The following NTM variants were observed in gnomAD, a reference collection of about 807,000 sequenced individuals.
NTM encodes the protein neurotrimin, also known as IgLON family member 2.
Under a neutral mutation model 42.1 loss-of-function variants are expected in NTM, and 13 were observed. That is an observed-to-expected ratio of 0.31 (90% CI 0.20 to 0.49). NTM has a LOEUF of 0.49. NTM is among the 20% of genes least tolerant of loss of function. NTM has a pLI of 0.99. For synonymous variants in NTM, 187 were observed against 179.2 expected (o/e 1.04, Z -0.35); for missense variants, 373 against 452.8 (o/e 0.82, Z 1.60).
At chr11:131,998,925 C>T (rs1431058670) in intron 2 of NTM, among the ~76,000 whole-genome samples, 1 of 152,160 alleles carries the variant, frequency 6.6e-6, no homozygotes, top group African/African-American at 2.4e-5. Flanking sequence ...TTTTTAGGAG[C>T]TTGTGGCTCA....
At chr11:131,460,947 A>T (rs11222644) in intron 1 of NTM, among the ~76,000 whole-genome samples, 1 of 152,192 alleles carries the variant, frequency 6.6e-6, no homozygotes, top group African/African-American at 2.4e-5. Context: ...AAGTTGAACA[A>T]GGTGACCTTA....
At chr11:131,996,457 C>A (rs1291464505) in intron 2 of NTM, among the ~76,000 whole-genome samples, 1 of 152,204 alleles carries the variant, frequency 6.6e-6, no homozygotes, top group South Asian at 2.1e-4. Flanking sequence ...GCAGTTCCCT[C>A]TACCTGAAAT....
At chr11:131,541,216 A>C (rs1016235483) in intron 1 of NTM, among the ~76,000 whole-genome samples, 1 of 152,156 alleles carries the variant, frequency 6.6e-6, no homozygotes, top group Non-Finnish European at 1.5e-5. Context: ...ATAATTTAGG[A>C]CTTAAAGTGA....
intron 1 of NTM, among the ~76,000 whole-genome samples, chr11:131,404,119 CTCT>C (rs1405720890): frequency 1.3e-5 from 2 of 152,130 alleles, no homozygotes; most frequent in East Asian, 3.9e-4. Context: ...CACGTTTCTG[CTCT>C]TCTTCTCGGT....
intron 2 of NTM, among the ~76,000 whole-genome samples, chr11:132,124,014 T>C (rs114474086): frequency 0.024 from 3,648 of 152,236 alleles, 56 homozygotes; most frequent in African/African-American, 0.04. Context: ...ATTTATTAAG[T>C]TTCAGTTCCC....
intron 4 of NTM, among the ~76,000 whole-genome samples, chr11:132,235,943 C>T (rs1010194784): frequency 2.6e-5 from 4 of 151,470 alleles, no homozygotes; most frequent in African/African-American, 7.3e-5. Context: ...AAAATGCCTT[C>T]GATTTGGTTT....
chr11:131,585,173 G>A (rs2058742146), intron 1 of NTM, among the ~76,000 whole-genome samples: 1 of 152,236 alleles, frequency 6.6e-6, no homozygotes, highest in African/African-American at 2.4e-5. Context: ...ATCTGTGGCT[G>A]ATTCTTTTTT....
intron 3 of NTM, among the ~76,000 whole-genome samples, chr11:132,196,776 G>C (rs1275480329): frequency 1.3e-5 from 2 of 152,108 alleles, no homozygotes; most frequent in Non-Finnish European, 2.9e-5. Flanking sequence ...CTACTTGAGA[G>C]GGGGAGGATG....
At chr11:131,398,497 C>G (rs1388446844) in intron 1 of NTM, among the ~76,000 whole-genome samples, 2 of 151,956 alleles carry the variant, frequency 1.3e-5, no homozygotes, top group East Asian at 3.9e-4. Context: ...AAGAATAGAT[C>G]AGAAACAATT....
chr11:131,531,329 G>A (rs1424304761), intron 1 of NTM, among the ~76,000 whole-genome samples: 1 of 152,088 alleles, frequency 6.6e-6, no homozygotes, highest in Non-Finnish European at 1.5e-5. Flanking sequence ...GGAGGTGGGG[G>A]TAAAGATAGG....
chr11:131,432,839 C>CATTTTTTTTTT (rs1565494793), intron 1 of NTM, among the ~76,000 whole-genome samples: 16 of 68,690 alleles, frequency 2.3e-4, no homozygotes, highest in Non-Finnish European at 3.6e-4. Context: ...ATTTAGCATT[C>CATTTTTTTTTT]TTTTTTTTTT....
chr11:131,428,332 C>A (rs921268467), intron 1 of NTM, among the ~76,000 whole-genome samples: 7 of 152,186 alleles, frequency 4.6e-5, no homozygotes, highest in African/African-American at 1.7e-4. Flanking sequence ...GCCAAAACTG[C>A]CTTTCCAGGC....
At chr11:131,662,275 A>T (rs895978837) in intron 1 of NTM, 1 of 152,240 alleles carries the variant, frequency 6.6e-6, no homozygotes, top group Admixed American at 6.5e-5. Flanking sequence ...AAGTGTCACC[A>T]TATGTTGAAA....
chr11:131,617,229 G>A (rs1417990416), intron 1 of NTM, among the ~76,000 whole-genome samples: 1 of 152,108 alleles, frequency 6.6e-6, no homozygotes, highest in African/African-American at 2.4e-5. Context: ...TGAGAGTGGA[G>A]GGCTGCAAGA....
intron 4 of NTM, chr11:132,306,436 A>G (rs1393290010): frequency 1.3e-5 from 2 of 152,210 alleles, no homozygotes; most frequent in Non-Finnish European, 2.9e-5. Flanking sequence ...TGTGCCTCCA[A>G]CCAGATTATA....
intron 2 of NTM, among the ~76,000 whole-genome samples, chr11:131,942,783 T>C (rs1361980614): frequency 6.6e-6 from 1 of 151,804 alleles, no homozygotes; most frequent in Non-Finnish European, 1.5e-5. Context: ...CCATCTCTAC[T>C]AAAAACGCAA....
intron 1 of NTM, among the ~76,000 whole-genome samples, chr11:131,469,303 T>C (rs1952194362): frequency 6.6e-6 from 1 of 152,186 alleles, no homozygotes. Flanking sequence ...GTTTTACATA[T>C]ATTATCTCAC....
At position 132,220,140 on chromosome 11, in the gene NTM, C is replaced by A. The variant is rs181395638; in HGVS notation, c.526+7993C>A. Among the ~76,000 whole-genome samples, 275 of 152,288 alleles carry A rather than the reference C, an allele frequency of 1.8e-3. 2 individuals carry two copies. Among genetic ancestry groups the A allele is most frequent in the African/African-American group, 6.1e-3 (254 of 41,560 alleles). On this transcript the variant is annotated intron_variant, in intron 4 of 8. Transcript: ENST00000683400. The stretch of plus-strand genomic sequence containing the variant: ...AATGGAAAGTGGCCAGCTTCCTGTT[C>A]AGAGTACCTGTGAAACATAGAGCAT...
intron 1 of NTM, among the ~76,000 whole-genome samples, chr11:131,734,267 T>C (rs907770851): frequency 3.3e-5 from 5 of 152,208 alleles, no homozygotes; most frequent in African/African-American, 1.2e-4. Flanking sequence ...AACCTGGTTT[T>C]GGAGTGGCTG....
Sources: gnomAD v4.1 joint callset for allele counts (sites outside exome capture counted in the v4.1 genomes callset) on GRCh38, gnomAD v4.1.1 for gene constraint, MANE v1.5 for transcripts, NCBI Gene and HGNC (gene_info 2026-07-23, HGNC 2026-07-21) for gene names.